The following PTBP3 variants were observed in gnomAD, a reference collection of about 807,000 sequenced individuals.
PTBP3 encodes polypyrimidine tract-binding protein 3.
A neutral mutation model predicts 58.7 loss-of-function variants in PTBP3; 20 were observed. That is an observed-to-expected ratio of 0.34 (90% CI 0.24 to 0.50). PTBP3 has a LOEUF of 0.50. Ranked by LOEUF, PTBP3 falls within the 20% of genes least tolerant of loss-of-function variation. The pLI is 0.98. For missense variants in PTBP3, 509 were observed against 637.2 expected, an observed-to-expected ratio of 0.80 and a Z score of 2.17; for synonymous variants, 185 against 219.8, an observed-to-expected ratio of 0.84 and a Z score of 1.40.
At chr9:112,320,040 T>C (rs551602012) in intron 1 of PTBP3, among the ~76,000 whole-genome samples, 1 of 152,156 alleles carries the variant, frequency 6.6e-6, no homozygotes, top group South Asian at 2.1e-4. Flanking sequence ...GAGGAGATTT[T>C]GGTCAAGGAT....
the PTBP3 span, among the ~76,000 whole-genome samples, chr9:112,377,250 C>T: frequency 6.6e-6 from 1 of 152,132 alleles, no homozygotes. Context: ...TGCCCGTGGT[C>T]CTGGCTACTT....
rs1834804554 is a variant in PTBP3, at chr9:112,221,480, CTT to C, written c.*2369_*2370del. On this transcript the variant is annotated 3_prime_UTR_variant, in exon 14 of 14. Transcript: ENST00000374257. ...TAATAAATTACACAGTAATTCCTAA[CTT>C]AAAGTAAATGAAATAATCCAATTTA... 1.4e-5 allele frequency: 14 copies of C among 985,068 alleles called. No individual in the cohort carries two copies. The highest frequency in any genetic ancestry group is 1.7e-5 in the Non-Finnish European group (14 of 829,314). 61.0% of individuals were successfully genotyped at this position (985,068 alleles called of 1,614,324 possible).
chr9:112,246,469 C>T (rs535031957), intron 7 of PTBP3, among the ~76,000 whole-genome samples: 8 of 151,620 alleles, frequency 5.3e-5, no homozygotes, highest in Admixed American at 1.3e-4. Context: ...CTGAGGCGGG[C>T]GGATCACGAG....
intron 2 of PTBP3, among the ~76,000 whole-genome samples, chr9:112,277,941 C>CATAAT (rs769706124): frequency 2.8e-5 from 2 of 72,134 alleles, no homozygotes; most frequent in Non-Finnish European, 5.6e-5. Flanking sequence ...CATAACATAA[C>CATAAT]ATAATATAAC....
chr9:112,320,395 T>C (rs898530800), intron 1 of PTBP3, among the ~76,000 whole-genome samples: 2 of 148,808 alleles, frequency 1.3e-5, no homozygotes, highest in African/African-American at 5.0e-5. Flanking sequence ...CACTGCACAA[T>C]GTATATTACA....
chr9:112,231,958 A>AGG (rs1397174095), intron 9 of PTBP3, 141 bp downstream of exon 9: 1 of 356,308 alleles, frequency 2.8e-6, no homozygotes. Flanking sequence ...AGAAGAGAAG[A>AGG]GAAGAGAAGA....
chr9:112,312,228 A>G (rs2132393780), intron 1 of PTBP3, among the ~76,000 whole-genome samples: 1 of 152,304 alleles, frequency 6.6e-6, no homozygotes, highest in East Asian at 1.9e-4. Flanking sequence ...TGATTAAGAC[A>G]TAAAAAAAAG....
At chr9:112,231,262 AT>A in intron 10 of PTBP3, 117 bp downstream of exon 10, 1 of 691,120 alleles carries the variant, frequency 1.4e-6, no homozygotes, top group Non-Finnish European at 2.2e-6. Flanking sequence ...TCACTGTTTT[AT>A]CCTCAGTGTC....
chr9:112,283,213 C>T (rs940592462), intron 2 of PTBP3, among the ~76,000 whole-genome samples: 1 of 152,054 alleles, frequency 6.6e-6, no homozygotes, highest in Non-Finnish European at 1.5e-5. Flanking sequence ...TATAAAGATA[C>T]CTGAAAATGT....
chr9:112,291,761 A>T (rs190445874), intron 2 of PTBP3, among the ~76,000 whole-genome samples: 1 of 152,230 alleles, frequency 6.6e-6, no homozygotes, highest in Non-Finnish European at 1.5e-5. Flanking sequence ...GAAACTATAA[A>T]AGACCTATAA....
At chr9:112,265,811 T>C (rs1379268883) in intron 4 of PTBP3, among the ~76,000 whole-genome samples, 1 of 151,950 alleles carries the variant, frequency 6.6e-6, no homozygotes, top group Non-Finnish European at 1.5e-5. Flanking sequence ...AATAAATGAG[T>C]TATTCAAGAA....
At position 112,222,110 on chromosome 9, in the gene PTBP3, C is replaced by T; in HGVS notation, c.*1741G>A. ...ACACCACCATGCCCAGCAAGATATT[C>T]TTTATTCTTTTAAAAGTTGAGATGA... On this transcript the variant is annotated 3_prime_UTR_variant, in exon 14 of 14. Coordinates refer to ENST00000374257, the MANE Select transcript of PTBP3 (RefSeq NM_001163788.4). 3.0e-6 allele frequency: 3 copies of T among 985,480 alleles called. No individual in the cohort carries two copies. Among genetic ancestry groups the T allele is most frequent in the South Asian group, 4.7e-5 (1 of 21,278 alleles). 61.0% of individuals were successfully genotyped at this position (985,480 alleles called of 1,614,324 possible).
chr9:112,235,580 A>G (rs895293774), intron 7 of PTBP3, among the ~76,000 whole-genome samples: 2 of 152,212 alleles, frequency 1.3e-5, no homozygotes, highest in South Asian at 2.1e-4. Context: ...ACAAATGATT[A>G]ATTTGGTTTG....
At chr9:112,353,726 C>T in the PTBP3 span, among the ~76,000 whole-genome samples, 8 of 151,744 alleles carry the variant, frequency 5.3e-5, no homozygotes, top group South Asian at 4.2e-4. Flanking sequence ...GAGGCTGAGG[C>T]GGGCTGATCA....
At chr9:112,307,532 C>T (rs1829273441) in intron 1 of PTBP3, among the ~76,000 whole-genome samples, 1 of 152,082 alleles carries the variant, frequency 6.6e-6, no homozygotes, top group South Asian at 2.1e-4. Context: ...ATAAAATAAA[C>T]AAGACGTTTC....
the PTBP3 span, among the ~76,000 whole-genome samples, chr9:112,368,573 A>G: frequency 6.6e-6 from 1 of 152,154 alleles, no homozygotes; most frequent in East Asian, 1.9e-4. Flanking sequence ...ATATTACAAT[A>G]TAACTCCCTT....
chr9:112,289,494 CA>C (rs1828282410), intron 2 of PTBP3, among the ~76,000 whole-genome samples: 1 of 152,008 alleles, frequency 6.6e-6, no homozygotes, highest in Non-Finnish European at 1.5e-5. Flanking sequence ...ACAGAAGTAC[CA>C]GGGGGCCAGG....
At chr9:112,359,104 G>A in the PTBP3 span, among the ~76,000 whole-genome samples, 1 of 152,098 alleles carries the variant, frequency 6.6e-6, no homozygotes, top group Admixed American at 6.6e-5. Flanking sequence ...CAAAGTGCTG[G>A]GATTACAGGT....
chr9:112,268,714 A>T lies in PTBP3; in HGVS notation c.205-519T>A, dbSNP rs1188956354. 0.01 allele frequency among the ~76,000 whole-genome samples: 483 copies of T among 47,768 alleles called. 10 individuals carry two copies. In the East Asian group the frequency reaches 0.29, roughly 29 times the overall value. 31.3% of individuals were successfully genotyped at this position (47,768 alleles called of 152,430 possible). ...GTAACAGGAGTAAGACACCGTCTCAAAAAAAAAAAAAAAAAAAAAAAGGAT... is the reference window on the plus strand; with the variant it reads ...GTAACAGGAGTAAGACACCGTCTCATAAAAAAAAAAAAAAAAAAAAAGGAT... On this transcript the variant is annotated intron_variant, in intron 3 of 13. Transcript: ENST00000374257.
Sources: allele counts gnomAD v4.1 joint callset (sites outside exome capture counted in the v4.1 genomes callset), GRCh38; gene constraint gnomAD v4.1.1; transcripts MANE v1.5; gene names NCBI Gene and HGNC (gene_info 2026-07-23, HGNC 2026-07-21).